Variants in CAST observed in about 807,000 individuals in gnomAD.
CAST encodes calpastatin.
A neutral mutation model predicts 119.6 loss-of-function variants in CAST; 76 were observed. The observed-to-expected ratio is 0.64, with a 90% CI of 0.53 to 0.77. The LOEUF (loss-of-function observed/expected upper bound fraction) is 0.77, where lower values mean the gene tolerates loss of function less well. Ranked by LOEUF, CAST falls within the 30% of genes least tolerant of loss-of-function variation. The probability of loss-of-function intolerance (pLI) is 0.00; values close to 1 mark genes in which losing one functional copy is unlikely to be tolerated. For missense variants in CAST, 953 were observed against 946.5 expected, an observed-to-expected ratio of 1.01 and a Z score of -0.09; for synonymous variants, 319 against 331.6, an observed-to-expected ratio of 0.96 and a Z score of 0.41.
chr5:96,327,239 C>G, the CAST span, among the ~76,000 whole-genome samples: 1 of 152,166 alleles, frequency 6.6e-6, no homozygotes, highest in Non-Finnish European at 1.5e-5. Flanking sequence ...GTGTAAAGGA[C>G]TTACTACAGT....
the CAST span, among the ~76,000 whole-genome samples, chr5:96,276,149 C>A: frequency 6.6e-6 from 1 of 152,106 alleles, no homozygotes; most frequent in African/African-American, 2.4e-5. Flanking sequence ...TAGAGTGTTT[C>A]AACGATAGAT....
At chr5:96,401,968 G>C in the CAST span, among the ~76,000 whole-genome samples, 1 of 152,074 alleles carries the variant, frequency 6.6e-6, no homozygotes, top group Non-Finnish European at 1.5e-5. Flanking sequence ...ACTTTTCCTC[G>C]ACTTTGAGAC....
upstream of CAST, among the ~76,000 whole-genome samples, chr5:96,659,163 C>T (rs984730962): frequency 6.6e-6 from 1 of 152,188 alleles, no homozygotes; most frequent in African/African-American, 2.4e-5. Flanking sequence ...GATCTCTGAT[C>T]ACATATCACG....
the CAST span, among the ~76,000 whole-genome samples, chr5:96,114,452 G>T: frequency 6.6e-6 from 1 of 152,144 alleles, no homozygotes; most frequent in African/African-American, 2.4e-5. Flanking sequence ...CACCACTGAG[G>T]CTCTCAAACT....
chr5:96,116,087 C>T, the CAST span, among the ~76,000 whole-genome samples: 1 of 151,940 alleles, frequency 6.6e-6, no homozygotes, highest in Non-Finnish European at 1.5e-5. Flanking sequence ...GCCTTTGTGC[C>T]CCTTTGCATT....
Position 96,552,048 on chromosome 5 carries a change from C to T in CAST, c.60+22168C>T, listed in dbSNP as rs1490803016. On this transcript the variant is annotated intron_variant, in intron 1 of 11. Transcript: ENST00000505143. ...AACAGGGATATCCACGACTTGAACT[C>T]AGCTCTGAGCCAAGCAGACCTAATA... 3.9e-5 allele frequency among the ~76,000 whole-genome samples: 6 copies of T among 152,308 alleles called. No homozygotes were observed. In the East Asian group the frequency reaches 9.6e-4, roughly 24 times the overall value.
intron 19 of CAST, among the ~76,000 whole-genome samples, chr5:96,749,019 C>T (rs186854758): frequency 6.6e-6 from 1 of 152,182 alleles, no homozygotes; most frequent in African/African-American, 2.4e-5. Context: ...GTTTCCCATC[C>T]CTACAAAAAA....
Position 96,544,998 on chromosome 5 carries a change from A to T in CAST, c.60+15118A>T, listed in dbSNP as rs555988248. Among the ~76,000 whole-genome samples the T allele has an allele frequency of 6.6e-5, 10 of 152,330 alleles. No homozygotes were observed. The South Asian group carries it at 1.0e-3, about 16-fold the overall frequency. The stretch of plus-strand genomic sequence containing the variant: ...GAAAGGAGACTTCAGAACAATTAAG[A>T]TTATTAATGACAAACGGGGCATTAT... On this transcript the variant is annotated intron_variant, in intron 1 of 11. Coordinates refer to the CAST transcript ENST00000505143.
the CAST span, among the ~76,000 whole-genome samples, chr5:96,107,395 A>C: frequency 6.6e-6 from 1 of 151,790 alleles, no homozygotes; most frequent in Non-Finnish European, 1.5e-5. Context: ...CACTTCCTTC[A>C]GGAGCTCTTT....
intron 1 of CAST, among the ~76,000 whole-genome samples, chr5:96,633,302 T>C (rs1747845003): frequency 1.3e-5 from 2 of 152,188 alleles, no homozygotes; most frequent in Admixed American, 1.3e-4. Context: ...TTAAATAGTA[T>C]TGCCGTATTA....
chr5:96,479,537 C>T, the CAST span, among the ~76,000 whole-genome samples: 1 of 150,564 alleles, frequency 6.6e-6, no homozygotes, highest in Non-Finnish European at 1.5e-5. Context: ...GCAACCTCTG[C>T]CTCCCAGGTT....
At chr5:96,145,916 C>G in the CAST span, among the ~76,000 whole-genome samples, 1 of 152,180 alleles carries the variant, frequency 6.6e-6, no homozygotes, top group African/African-American at 2.4e-5. Flanking sequence ...TGCTAGCTGA[C>G]AGCTGGTAGC....
chr5:96,256,299 A>C, the CAST span, among the ~76,000 whole-genome samples: 1 of 148,314 alleles, frequency 6.7e-6, no homozygotes, highest in African/African-American at 2.5e-5. Context: ...TATACAGTTT[A>C]TACAGTATAT....
At chr5:96,709,328 T>TG (rs1269447977) in intron 3 of CAST, among the ~76,000 whole-genome samples, 1 of 152,222 alleles carries the variant, frequency 6.6e-6, no homozygotes, top group East Asian at 1.9e-4. Context: ...CTTTCTCATT[T>TG]AGAGAATTCA....
At chr5:96,663,232 C>G in intron 1 of CAST, 1 of 702,554 alleles carries the variant, frequency 1.4e-6, no homozygotes, top group Non-Finnish European at 2.6e-6. Context: ...AGTGTGTTTG[C>G]TTTGCCCTTC....
the CAST span, among the ~76,000 whole-genome samples, chr5:96,138,497 C>T: frequency 1.1e-4 from 17 of 152,030 alleles, no homozygotes; most frequent in African/African-American, 3.4e-4. Context: ...GTCAGTTTTT[C>T]AATAGAGACG....
chr5:96,509,372 G>A, the CAST span, among the ~76,000 whole-genome samples: 2,994 of 152,254 alleles, frequency 0.02, 106 homozygotes, highest in African/African-American at 0.069. Context: ...GTCTGGATGT[G>A]TATAAGGCTC....
chr5:96,619,657 C>A (rs143971499), intron 1 of CAST, among the ~76,000 whole-genome samples: 5 of 152,156 alleles, frequency 3.3e-5, no homozygotes, highest in African/African-American at 1.2e-4. Context: ...CTGAAGCCAG[C>A]GAGACCACTA....
chr5:96,416,272 C>T, the CAST span: 1 of 664,904 alleles, frequency 1.5e-6, no homozygotes, highest in Non-Finnish European at 2.7e-6. Context: ...TAACATAAAA[C>T]TTATGTTCAG....
Sources: allele counts gnomAD v4.1 joint callset (sites outside exome capture counted in the v4.1 genomes callset), GRCh38; gene constraint gnomAD v4.1.1; transcripts MANE v1.5; gene names NCBI Gene and HGNC (gene_info 2026-07-23, HGNC 2026-07-21).